The following NXN variants were observed in gnomAD, a reference collection of about 807,000 sequenced individuals.
The protein encoded by NXN is nucleoredoxin, also known as nucleoredoxin 1.
Under a neutral mutation model 48.6 loss-of-function variants are expected in NXN, and 16 were observed. That is an observed-to-expected ratio of 0.33 (90% CI 0.22 to 0.50). The LOEUF (loss-of-function observed/expected upper bound fraction) is 0.50. Ranked by LOEUF, NXN falls within the 20% of genes least tolerant of loss-of-function variation. NXN has a pLI of 0.98. For synonymous variants in NXN, 281 were observed against 269.6 expected (o/e 1.04, Z -0.41); for missense variants, 492 against 605.5 (o/e 0.81, Z 1.97).
rs2068745209 is a variant in NXN at position 920,961 on chromosome 17, G to A, written c.360+58358C>T. Among the ~76,000 whole-genome samples the A allele has an allele frequency of 1.3e-5, 2 of 152,112 alleles. No homozygotes were observed. The highest frequency in any genetic ancestry group is 2.9e-5 in the Non-Finnish European group (2 of 68,022). On this transcript the variant is annotated intron_variant, in intron 1 of 7. Transcript: ENST00000336868. The surrounding 1 kb of genome is among the most constrained non-coding windows in gnomAD (Gnocchi z 4.6). Reference sequence around the variant, plus strand: ...TGGTCTTGAACTCCTGACCTCAAGTGATCCTCCCACCTTGGCCCCCAAAAG... The same window carrying A: ...TGGTCTTGAACTCCTGACCTCAAGTAATCCTCCCACCTTGGCCCCCAAAAG...
chr17:840,921 C>T (rs1914134689), intron 1 of NXN, among the ~76,000 whole-genome samples: 1 of 152,216 alleles, frequency 6.6e-6, no homozygotes, highest in South Asian at 2.1e-4. Context: ...ACAAGCCTTT[C>T]TCCAAGGGGG....
chr17:937,881 A>G (rs2068926926), intron 1 of NXN, among the ~76,000 whole-genome samples: 1 of 152,240 alleles, frequency 6.6e-6, no homozygotes, highest in Admixed American at 6.5e-5. Flanking sequence ...ATGGCTTTGA[A>G]GTCACATAGC....
chr17:970,808 C>T (rs1016341980), intron 1 of NXN, among the ~76,000 whole-genome samples: 1 of 152,142 alleles, frequency 6.6e-6, no homozygotes, highest in Non-Finnish European at 1.5e-5. Context: ...AAAGTTAAAA[C>T]GGTGAATATC....
At chr17:910,386 T>TG (rs2068624299) in intron 1 of NXN, among the ~76,000 whole-genome samples, 1 of 150,868 alleles carries the variant, frequency 6.6e-6, no homozygotes, top group Admixed American at 6.7e-5. Context: ...CACTCCAGCC[T>TG]GGGTGACAGA....
At chr17:810,097 G>A (rs1911863610) in intron 5 of NXN, among the ~76,000 whole-genome samples, 1 of 143,074 alleles carries the variant, frequency 7.0e-6, no homozygotes, top group Non-Finnish European at 1.5e-5. Context: ...GTCCGTGTGA[G>A]TGGCGTGCAC....
In NXN at chr17:958,784, T is replaced by C. The variant is rs534239969; in HGVS notation, c.360+20535A>G. ...CTCAAAAAATAAAATAAAATAAAAA[T>C]TAGCTGGGGAGGTGGTGAGCTCCTG... On this transcript the variant is annotated intron_variant, in intron 1 of 7. Transcript: ENST00000336868. The surrounding 1 kb of genome is among the most constrained non-coding windows in gnomAD (Gnocchi z 6.9). Among the ~76,000 whole-genome samples the C allele has an allele frequency of 3.3e-5, 5 of 151,504 alleles. No homozygotes were observed. The highest frequency in any genetic ancestry group is 2.6e-4 in the Admixed American group (4 of 15,216).
intron 1 of NXN, among the ~76,000 whole-genome samples, chr17:902,873 G>A (rs1386895517): frequency 6.6e-6 from 1 of 151,724 alleles, no homozygotes; most frequent in East Asian, 2.0e-4. Context: ...CCGCCTCCCG[G>A]GTTCAAGCGA....
chr17:804,114 G>T, intron 6 of NXN: 1 of 314,684 alleles, frequency 3.2e-6, no homozygotes, highest in Non-Finnish European at 6.0e-6. Context: ...ACCCGCCTGG[G>T]AGGCTGAGCT....
chr17:966,585 G>A (rs1484441943), intron 1 of NXN, among the ~76,000 whole-genome samples: 1 of 152,066 alleles, frequency 6.6e-6, no homozygotes, highest in Non-Finnish European at 1.5e-5. Context: ...GACCTCAGGG[G>A]ATCCGTCGAC....
chr17:936,583 G>C (rs978969226), intron 1 of NXN, among the ~76,000 whole-genome samples: 16 of 151,790 alleles, frequency 1.1e-4, no homozygotes, highest in Admixed American at 1.1e-3. Flanking sequence ...GGGCAGGAGA[G>C]AAGGGCGAGG....
chr17:832,386 C>T (rs1287840975), intron 1 of NXN, among the ~76,000 whole-genome samples: 6 of 151,384 alleles, frequency 4.0e-5, no homozygotes, highest in African/African-American at 1.5e-4. Context: ...CGGGGTTTCA[C>T]CTTGTTAGCC....
chr17:931,064 C>A (rs914381325), intron 1 of NXN, among the ~76,000 whole-genome samples: 1 of 152,126 alleles, frequency 6.6e-6, no homozygotes, highest in Non-Finnish European at 1.5e-5. Flanking sequence ...CCACCGCACC[C>A]GGCTGGTGAG....
At chr17:961,500 A>G (rs561405120) in intron 1 of NXN, among the ~76,000 whole-genome samples, 1 of 152,312 alleles carries the variant, frequency 6.6e-6, no homozygotes, top group East Asian at 1.9e-4. Context: ...TCACTAGGAT[A>G]TACAGCTGTA....
chr17:870,720 A>G (rs1354102722), intron 1 of NXN, among the ~76,000 whole-genome samples: 2 of 151,398 alleles, frequency 1.3e-5, no homozygotes, highest in African/African-American at 4.9e-5. Flanking sequence ...GTGCTACTGT[A>G]TTCAAGCCTG....
intron 1 of NXN, among the ~76,000 whole-genome samples, chr17:883,994 G>A (rs533967587): frequency 2.6e-5 from 4 of 152,098 alleles, no homozygotes; most frequent in Non-Finnish European, 4.4e-5. Flanking sequence ...CAAGACGGGC[G>A]GATCACGAGG....
intron 1 of NXN, among the ~76,000 whole-genome samples, chr17:959,985 G>A (rs112861597): frequency 0.11 from 16,268 of 151,794 alleles, 2,582 homozygotes; most frequent in African/African-American, 0.34. Flanking sequence ...ACAGCTACTC[G>A]GGACACTGAG....
At chr17:803,967 G>A (rs1911345278) in intron 6 of NXN, 161 bp from the exon 7 acceptor site, 3 of 851,928 alleles carry the variant, frequency 3.5e-6, no homozygotes, top group Non-Finnish European at 5.5e-6. Context: ...CTCCCCGCAT[G>A]CATGGGTGTG....
intron 1 of NXN, among the ~76,000 whole-genome samples, chr17:858,920 C>G (rs370575696): frequency 1.3e-5 from 2 of 152,138 alleles, no homozygotes; most frequent in East Asian, 1.9e-4. Flanking sequence ...TATCCCATAG[C>G]CAGCCAAGAG....
At chr17:951,643 G>A (rs1202561870) in intron 1 of NXN, among the ~76,000 whole-genome samples, 1 of 152,028 alleles carries the variant, frequency 6.6e-6, no homozygotes, top group Non-Finnish European at 1.5e-5. Context: ...TCTGGCAGAG[G>A]CGGGCAAGCC....
Sources: gnomAD v4.1 joint callset for allele counts (sites outside exome capture counted in the v4.1 genomes callset) on GRCh38, gnomAD v4.1.1 for gene constraint, Gnocchi (gnomAD v3.1) non-coding constraint, MANE v1.5 for transcripts, NCBI Gene and HGNC (gene_info 2026-07-23, HGNC 2026-07-21) for gene names.